Variants in PTPRD observed in about 807,000 individuals in gnomAD.
PTPRD encodes the protein protein tyrosine phosphatase receptor type D.
A neutral mutation model predicts 214.5 loss-of-function variants in PTPRD; 34 were observed. The observed-to-expected ratio is 0.16, with a 90% CI of 0.12 to 0.21. The LOEUF (loss-of-function observed/expected upper bound fraction) is 0.21. Among genes scored for constraint, PTPRD ranks in the 10% least tolerant of loss-of-function variants. The pLI, the probability that PTPRD is intolerant of heterozygous loss-of-function variation, is 1.00. For missense variants in PTPRD, 2,545 were observed against 2,398.7 expected (o/e 1.06, Z -1.27); for synonymous variants, 1,128 against 845.7 (o/e 1.33, Z -5.79).
At chr9:10,253,719 T>C (rs2154370873) in intron 3 of PTPRD, among the ~76,000 whole-genome samples, 1 of 152,334 alleles carries the variant, frequency 6.6e-6, no homozygotes, top group East Asian at 1.9e-4. Flanking sequence ...AGAAGTTTAC[T>C]GCATTAAATA....
intron 8 of PTPRD, among the ~76,000 whole-genome samples, chr9:9,429,553 A>T (rs145731312): frequency 1.3e-5 from 2 of 152,158 alleles, no homozygotes; most frequent in African/African-American, 2.4e-5. Flanking sequence ...TCATTTTATG[A>T]GGCCAGCATC....
chr9:8,446,325 GAATA>G (rs2095723244), intron 34 of PTPRD, among the ~76,000 whole-genome samples: 2 of 152,116 alleles, frequency 1.3e-5, no homozygotes, highest in African/African-American at 4.8e-5. Flanking sequence ...TTCTCCAAAA[GAATA>G]AATAACTTAG....
chr9:9,154,632 A>AGTT (rs2099879668), intron 10 of PTPRD, among the ~76,000 whole-genome samples: 1 of 152,208 alleles, frequency 6.6e-6, no homozygotes, highest in African/African-American at 2.4e-5. Flanking sequence ...AGTCGATAGT[A>AGTT]GTTATAAAAC....
intron 3 of PTPRD, among the ~76,000 whole-genome samples, chr9:10,305,587 C>A (rs1048013443): frequency 6.6e-6 from 1 of 151,938 alleles, no homozygotes; most frequent in African/African-American, 2.4e-5. Context: ...AGAAAACAAA[C>A]AACCCCATCA....
At chr9:9,139,141 A>C (rs1411449691) in intron 10 of PTPRD, among the ~76,000 whole-genome samples, 1 of 140,084 alleles carries the variant, frequency 7.1e-6, no homozygotes, top group Non-Finnish European at 1.5e-5. Flanking sequence ...ACATTCTGAG[A>C]CTCCTAGTGA....
At chr9:9,021,693 T>C (rs2099570225) in intron 10 of PTPRD, among the ~76,000 whole-genome samples, 1 of 152,146 alleles carries the variant, frequency 6.6e-6, no homozygotes, top group Non-Finnish European at 1.5e-5. Flanking sequence ...AGAGTGTTAC[T>C]GATGACTCTT....
intron 3 of PTPRD, among the ~76,000 whole-genome samples, chr9:10,216,760 C>G (rs143922492): frequency 6.6e-6 from 1 of 152,096 alleles, no homozygotes; most frequent in Non-Finnish European, 1.5e-5. Flanking sequence ...TGGTTTATTT[C>G]CTGAATCCCG....
intron 3 of PTPRD, among the ~76,000 whole-genome samples, chr9:10,039,839 C>A (rs1325252518): frequency 6.6e-6 from 1 of 151,876 alleles, no homozygotes. Context: ...AAGATGAAAA[C>A]AATCAATAAA....
intron 3 of PTPRD, among the ~76,000 whole-genome samples, chr9:10,118,235 C>T (rs1420058100): frequency 4.2e-5 from 5 of 118,028 alleles, no homozygotes; most frequent in Non-Finnish European, 9.8e-5. Flanking sequence ...TATCTATCTA[C>T]ATATATCCAT....
At chr9:9,614,347 A>G (rs1334490662) in intron 7 of PTPRD, among the ~76,000 whole-genome samples, 2 of 152,174 alleles carry the variant, frequency 1.3e-5, no homozygotes, top group Non-Finnish European at 2.9e-5. Flanking sequence ...TTTCCCTGGC[A>G]TCATGATCAG....
chr9:10,581,735 T>A (rs2071896782), intron 2 of PTPRD, among the ~76,000 whole-genome samples: 1 of 152,146 alleles, frequency 6.6e-6, no homozygotes, highest in African/African-American at 2.4e-5. Context: ...CTCAGTTTAG[T>A]CTCAGCAGTT....
At chr9:8,829,769 C>G (rs1019670871) in intron 11 of PTPRD, among the ~76,000 whole-genome samples, 1 of 152,172 alleles carries the variant, frequency 6.6e-6, no homozygotes, top group Non-Finnish European at 1.5e-5. Context: ...TGGGGACAAA[C>G]AGCTCAGTCT....
At chr9:10,271,270 C>A (rs996214648) in intron 3 of PTPRD, among the ~76,000 whole-genome samples, 1 of 152,054 alleles carries the variant, frequency 6.6e-6, no homozygotes, top group African/African-American at 2.4e-5. Flanking sequence ...GTTTTTGGAA[C>A]AGAAGACAAT....
intron 14 of PTPRD, among the ~76,000 whole-genome samples, chr9:8,564,342 T>C (rs902191647): frequency 6.6e-5 from 10 of 152,208 alleles, no homozygotes; most frequent in African/African-American, 2.4e-5. Context: ...TCAAAAATCA[T>C]GATGCATCTG....
intron 8 of PTPRD, among the ~76,000 whole-genome samples, chr9:9,525,041 TAG>T (rs1423899935): frequency 1.3e-5 from 2 of 152,180 alleles, no homozygotes; most frequent in African/African-American, 4.8e-5. Context: ...GTATTTTTAG[TAG>T]AGACACCGTT....
intron 8 of PTPRD, among the ~76,000 whole-genome samples, chr9:9,451,089 G>C (rs1174633255): frequency 6.6e-6 from 1 of 151,424 alleles, no homozygotes; most frequent in Non-Finnish European, 1.5e-5. Context: ...AATTGTAGAA[G>C]TTGTTCAGTA....
chr9:10,538,029 C>A (rs75801067), intron 2 of PTPRD, among the ~76,000 whole-genome samples: 87 of 152,130 alleles, frequency 5.7e-4, no homozygotes, highest in African/African-American at 2.0e-3. Flanking sequence ...AAACCCAGCT[C>A]CTTGATGTCA....
rs528409351 is a variant in PTPRD at position 9,857,903 on chromosome 9, C to T, written c.-368+80604G>A. Among the ~76,000 whole-genome samples, 20 of 148,256 alleles carry T rather than the reference C, an allele frequency of 1.3e-4. 1 individual carries two copies. In the South Asian group the frequency reaches 4.1e-3, roughly 30 times the overall value. ...TTTAAATGAGCATAGTTGATTAATA[C>T]TCTACTTTTTTCATAAAGTAAATGA... On this transcript the variant is annotated intron_variant, in intron 5 of 45. Transcript: ENST00000381196.
chr9:10,557,469 G>A (rs996964790), intron 2 of PTPRD, among the ~76,000 whole-genome samples: 5 of 151,948 alleles, frequency 3.3e-5, no homozygotes, highest in African/African-American at 1.2e-4. Flanking sequence ...TTACTGGGCT[G>A]CACAACTCAG....
Sources: gnomAD v4.1 joint callset for allele counts (sites outside exome capture counted in the v4.1 genomes callset) on GRCh38, gnomAD v4.1.1 for gene constraint, MANE v1.5 for transcripts, NCBI Gene and HGNC (gene_info 2026-07-23, HGNC 2026-07-21) for gene names.